Variants in ADRA1A observed in about 807,000 individuals in gnomAD.
ADRA1A encodes the protein alpha-1A adrenergic receptor.
ADRA1A carries 31 observed loss-of-function variants against 29.6 expected under a neutral mutation model. That is an observed-to-expected ratio of 1.05 (90% confidence interval 0.79 to 1.41). The LOEUF (loss-of-function observed/expected upper bound fraction) is 1.41. ADRA1A is among the 40% of genes most tolerant of loss of function. The pLI is 0.00. For synonymous variants in ADRA1A, 311 were observed against 254.3 expected, an observed-to-expected ratio of 1.22 and a Z score of -2.12; for missense variants, 619 against 601.1, an observed-to-expected ratio of 1.03 and a Z score of -0.31.
At position 26,821,598 on chromosome 8, in the gene ADRA1A, A is replaced by G. The variant is rs1157299545; in HGVS notation, c.883+42489T>C. On this transcript the variant is annotated intron_variant, in intron 2 of 2. Transcript: ENST00000380573. This position sits in a 1 kb window ranked among gnomAD's most constrained non-coding sequence, Gnocchi z 5.6. ...TTTGGAGGGGGCAAACATTCAAACC[A>G]CATTACCAGGTTTCATCCAATGGCA... 6.6e-6 allele frequency among the ~76,000 whole-genome samples: 1 copy of G among 152,158 alleles called. No homozygotes were observed. The highest frequency in any genetic ancestry group is 2.4e-5 in the African/African-American group (1 of 41,426).
Position 26,866,418 on chromosome 8 carries a change from G to A in ADRA1A, c.-687+518C>T, listed in dbSNP as rs1263891811. On this transcript the variant is annotated intron_variant, in intron 1 of 2. Coordinates refer to ENST00000380573, the MANE Select transcript of ADRA1A (RefSeq NM_000680.4). The surrounding 1 kb of genome is among the most constrained non-coding windows in gnomAD (Gnocchi z 5.7). The stretch of plus-strand genomic sequence containing the variant: ...CCTCTGCAGAGGGAGCTTTGCAAGT[G>A]ACAGTCACTGCGGATTTTGCAGGCG... 1.3e-5 allele frequency among the ~76,000 whole-genome samples: 2 copies of A among 152,136 alleles called. No homozygotes were observed. The highest frequency in any genetic ancestry group is 6.5e-5 in the Admixed American group (1 of 15,288).
intron 2 of ADRA1A, among the ~76,000 whole-genome samples, chr8:26,749,669 G>A (rs1804839604): frequency 6.6e-6 from 1 of 152,122 alleles, no homozygotes; most frequent in Non-Finnish European, 1.5e-5. Flanking sequence ...TTTTCTCTTT[G>A]TATTTGCTCC....
intron 2 of ADRA1A, among the ~76,000 whole-genome samples, chr8:26,772,815 TACCTCTGAAGCAC>T (rs1374494425): frequency 6.6e-6 from 1 of 152,070 alleles, no homozygotes. Context: ...GAGCATTTAT[TACCTCTGAAGCAC>T]ACTCCCTGCT....
exon 3 of ADRA1A, chr8:26,756,586 G>A (rs777222272): frequency 1.3e-6 from 2 of 1,552,834 alleles, no homozygotes; most frequent in Non-Finnish European, 1.7e-6. Context: ...TAACATGTTG[G>A]ATTTGTGCCT....
intron 2 of ADRA1A, among the ~76,000 whole-genome samples, chr8:26,748,979 G>C (rs940770285): frequency 3.9e-5 from 6 of 152,100 alleles, no homozygotes; most frequent in Non-Finnish European, 7.4e-5. Context: ...AAGATGTTTT[G>C]TGGTCAAGGT....
chr8:26,793,010 G>A (rs1158651916), intron 2 of ADRA1A, among the ~76,000 whole-genome samples: 5 of 151,662 alleles, frequency 3.3e-5, no homozygotes, highest in African/African-American at 9.7e-5. Flanking sequence ...AAAATAATAT[G>A]GTTTGGAAAT....
Position 26,865,528 on chromosome 8 carries a change from T to A in ADRA1A, c.-559A>T, listed in dbSNP as rs138221506. 8.0e-4 allele frequency: 789 copies of A among 992,154 alleles called. 5 individuals carry two copies. The African/African-American group carries it at 0.013, about 16-fold the overall frequency. 61.5% of individuals were successfully genotyped at this position (992,154 alleles called of 1,614,324 possible). ...GCGCTGCTCCTGGCCCGCAGTTACC[T>A]ACATTTTGAGCTGCCCCACCGAAGG... is the stretch of plus-strand genomic sequence containing the variant. On this transcript the variant is annotated 5_prime_UTR_variant, in exon 2 of 3. An upstream open reading frame in the 5' UTR loses its in-frame stop. Transcript: ENST00000380573. The surrounding 1 kb of genome is among the most constrained non-coding windows in gnomAD (Gnocchi z 7.6).
At chr8:26,829,556 T>A (rs930518622) in intron 2 of ADRA1A, among the ~76,000 whole-genome samples, 3 of 152,090 alleles carry the variant, frequency 2.0e-5, no homozygotes, top group Non-Finnish European at 2.9e-5. Flanking sequence ...AAAAGAAGGA[T>A]GATTGAATGA....
chr8:26,802,375 A>G, intron 2 of ADRA1A, among the ~76,000 whole-genome samples: 1 of 152,360 alleles, frequency 6.6e-6, no homozygotes, highest in South Asian at 2.1e-4. Context: ...AAACAACTCA[A>G]TAAGAAAACA....
intron 2 of ADRA1A, among the ~76,000 whole-genome samples, chr8:26,857,135 G>C (rs971069877): frequency 1.3e-5 from 2 of 152,130 alleles, no homozygotes; most frequent in Non-Finnish European, 2.9e-5. Flanking sequence ...CTCTTCAAAG[G>C]CCTCACAGTT....
intron 2 of ADRA1A, among the ~76,000 whole-genome samples, chr8:26,840,806 A>G (rs192578871): frequency 1.1e-4 from 17 of 152,242 alleles, no homozygotes; most frequent in Admixed American, 2.0e-4. Flanking sequence ...TTTGTCCCCT[A>G]TGGAGGCTGG....
chr8:26,757,545 G>A (rs1176986173), intron 2 of ADRA1A, among the ~76,000 whole-genome samples: 11 of 147,286 alleles, frequency 7.5e-5, no homozygotes, highest in African/African-American at 2.3e-4. Flanking sequence ...CATCAGGTTT[G>A]TAACACAAGC....
chr8:26,756,999 C>G (rs7825488), intron 2 of ADRA1A: 37,156 of 727,994 alleles, frequency 0.051, 2,141 homozygotes, highest in East Asian at 0.26. Context: ...ACATTCTGCT[C>G]CCTGTGAGAT....
Position 26,865,179 on chromosome 8 carries a change from G to C in ADRA1A, c.-210C>G. On this transcript the variant is annotated 5_prime_UTR_variant, in exon 2 of 3. Coordinates refer to ENST00000380573, the MANE Select transcript of ADRA1A (RefSeq NM_000680.4). The surrounding 1 kb of genome is among the most constrained non-coding windows in gnomAD (Gnocchi z 7.6). Reference sequence around the variant, plus strand: ...TCAGAAGGCCACATGAAGGGGCAGGGCATTAAAGACATGGCCAGGGGCGCG... The same window carrying C: ...TCAGAAGGCCACATGAAGGGGCAGGCCATTAAAGACATGGCCAGGGGCGCG... 7.1e-7 allele frequency: 1 copy of C among 1,413,678 alleles called. No homozygotes were observed. The highest frequency in any genetic ancestry group is 9.2e-7 in the Non-Finnish European group (1 of 1,087,434). The allele number at this position is 1,413,678 out of a possible 1,614,324, so 87.6% of individuals were successfully genotyped here.
At chr8:26,783,131 G>A (rs547985071) in intron 2 of ADRA1A, among the ~76,000 whole-genome samples, 9 of 152,290 alleles carry the variant, frequency 5.9e-5, no homozygotes, top group African/African-American at 2.2e-4. Context: ...GAGATTCTGA[G>A]AAAGCAAACA....
At position 26,770,042 on chromosome 8, in the gene ADRA1A, C is replaced by T; in HGVS notation, c.*107G>A. ...CCACCCACCCCATTCCCAGCAGGTCCCCTCTTTGATTGGTCCTGTCTTGTC... is the reference window on the plus strand; with the variant it reads ...CCACCCACCCCATTCCCAGCAGGTCTCCTCTTTGATTGGTCCTGTCTTGTC... On this transcript the variant is annotated 3_prime_UTR_variant, in exon 3 of 3. Coordinates refer to ENST00000380573, the MANE Select transcript of ADRA1A (RefSeq NM_000680.4). 6.7e-7 allele frequency: 1 copy of T among 1,481,754 alleles called. No individual in the cohort carries two copies. The highest frequency in any genetic ancestry group is 1.5e-5 in the South Asian group (1 of 64,858). 91.8% of individuals were successfully genotyped at this position (1,481,754 alleles called of 1,614,324 possible).
At chr8:26,830,340 T>C (rs1810886500) in intron 2 of ADRA1A, among the ~76,000 whole-genome samples, 1 of 152,238 alleles carries the variant, frequency 6.6e-6, no homozygotes, top group Non-Finnish European at 1.5e-5. Context: ...TTGGCTGTGG[T>C]ATTATGATGC....
At chr8:26,832,575 C>T (rs929636056) in intron 2 of ADRA1A, among the ~76,000 whole-genome samples, 3 of 152,040 alleles carry the variant, frequency 2.0e-5, no homozygotes, top group African/African-American at 7.2e-5. Context: ...TGGTGTATGG[C>T]ACAAGAGATG....
At chr8:26,826,991 T>C (rs759281227) in intron 2 of ADRA1A, among the ~76,000 whole-genome samples, 1 of 152,204 alleles carries the variant, frequency 6.6e-6, no homozygotes, top group Admixed American at 6.5e-5. Context: ...CTATGTATGA[T>C]TGTGCCCGTT....
Sources: gnomAD v4.1 joint callset for allele counts (sites outside exome capture counted in the v4.1 genomes callset) on GRCh38, gnomAD v4.1.1 for gene constraint, Gnocchi (gnomAD v3.1) non-coding constraint, MANE v1.5 for transcripts, NCBI Gene and HGNC (gene_info 2026-07-23, HGNC 2026-07-21) for gene names.